VIT: variants seen among roughly 807,000 people sequenced by gnomAD.
VIT encodes vitrin.
VIT carries 99 observed loss-of-function variants against 78.0 expected under a neutral mutation model. That is an observed-to-expected ratio of 1.27 (90% CI 1.08 to 1.50). The LOEUF (loss-of-function observed/expected upper bound fraction) is 1.50. VIT is among the 40% of genes most tolerant of loss of function. VIT has a pLI of 0.00. For missense variants in VIT, 1,126 were observed against 875.3 expected, an observed-to-expected ratio of 1.29 and a Z score of -3.61; for synonymous variants, 374 against 334.3, an observed-to-expected ratio of 1.12 and a Z score of -1.29.
chr2:36,787,383 G>A, intron 12 of VIT, 107 bp downstream of exon 12: 1 of 1,408,164 alleles, frequency 7.1e-7, no homozygotes, highest in Non-Finnish European at 9.5e-7. Context: ...ATGTCCTTGA[G>A]CACAGATTTG....
chr2:36,699,755 C>G (rs1664929373), intron 1 of VIT, among the ~76,000 whole-genome samples: 1 of 152,136 alleles, frequency 6.6e-6, no homozygotes, highest in African/African-American at 2.4e-5. Flanking sequence ...ATTTCTGTGA[C>G]TGTCAATATA....
intron 7 of VIT, among the ~76,000 whole-genome samples, 195 bp from the exon 8 acceptor site, chr2:36,773,596 T>A (rs999318904): frequency 2.6e-5 from 4 of 152,112 alleles, no homozygotes; most frequent in Non-Finnish European, 5.9e-5. Flanking sequence ...TTGAGCCTAG[T>A]GGTACGCACC....
chr2:36,770,466 G>A (rs991114697), intron 7 of VIT, among the ~76,000 whole-genome samples: 1 of 152,150 alleles, frequency 6.6e-6, no homozygotes, highest in African/African-American at 2.4e-5. Flanking sequence ...AGGTGGGGCT[G>A]GACACCAAAG....
At chr2:36,797,099 A>ATTT (rs34401995) in intron 12 of VIT, among the ~76,000 whole-genome samples, 1 of 142,498 alleles carries the variant, frequency 7.0e-6, no homozygotes, top group African/African-American at 2.6e-5. Flanking sequence ...GTTTCAACCA[A>ATTT]TTTTTTTTTT....
intron 2 of VIT, among the ~76,000 whole-genome samples, chr2:36,725,952 T>C (rs1210706442): frequency 6.6e-6 from 1 of 151,718 alleles, no homozygotes; most frequent in East Asian, 1.9e-4. Flanking sequence ...CCACCTATAA[T>C]CCCAGCTATT....
chr2:36,777,784 T>G (rs185642690), intron 9 of VIT, among the ~76,000 whole-genome samples: 6 of 152,348 alleles, frequency 3.9e-5, no homozygotes, highest in African/African-American at 1.4e-4. Context: ...CGTTCTGTCA[T>G]TGAATGTGTT....
chr2:36,780,091 A>T (rs1482022565), intron 9 of VIT, among the ~76,000 whole-genome samples: 1 of 152,218 alleles, frequency 6.6e-6, no homozygotes, highest in Non-Finnish European at 1.5e-5. Flanking sequence ...GAGTCCAAAA[A>T]ACACCAAGTC....
intron 15 of VIT, among the ~76,000 whole-genome samples, chr2:36,812,244 C>T (rs766847229): frequency 2.6e-5 from 4 of 152,040 alleles, no homozygotes; most frequent in South Asian, 4.2e-4. Context: ...GTCAGAGCCA[C>T]GTGAGGTATG....
At chr2:36,789,039 A>G (rs935675047) in intron 12 of VIT, among the ~76,000 whole-genome samples, 1 of 152,186 alleles carries the variant, frequency 6.6e-6, no homozygotes, top group African/African-American at 2.4e-5. Flanking sequence ...CTATCTAAAA[A>G]ATCCCTTGTG....
intron 2 of VIT, among the ~76,000 whole-genome samples, chr2:36,722,651 T>C (rs1453194734): frequency 6.6e-6 from 1 of 152,248 alleles, no homozygotes; most frequent in Non-Finnish European, 1.5e-5. Flanking sequence ...TCCAAAAAGA[T>C]CTAACAGGAA....
intron 2 of VIT, among the ~76,000 whole-genome samples, chr2:36,727,514 C>T (rs541634519): frequency 6.6e-6 from 1 of 152,208 alleles, no homozygotes; most frequent in Non-Finnish European, 1.5e-5. Context: ...ACCCACATTC[C>T]TTCCTCTGGA....
intron 6 of VIT, among the ~76,000 whole-genome samples, chr2:36,762,525 T>C (rs1669187496): frequency 6.6e-6 from 1 of 152,186 alleles, no homozygotes; most frequent in Non-Finnish European, 1.5e-5. Flanking sequence ...CTGTAAAGTC[T>C]TAGTCCCCAA....
intron 6 of VIT, chr2:36,759,622 T>C (rs1176254064): frequency 1.0e-6 from 1 of 1,000,998 alleles, no homozygotes; most frequent in African/African-American, 1.7e-5. Context: ...TGCATTATTG[T>C]ATCTCCAGAG....
At chr2:36,730,576 C>T (rs1176441275) in intron 3 of VIT, among the ~76,000 whole-genome samples, 1 of 152,214 alleles carries the variant, frequency 6.6e-6, no homozygotes, top group African/African-American at 2.4e-5. Context: ...TTTTGCAAGC[C>T]AGGGAACCCC....
intron 2 of VIT, among the ~76,000 whole-genome samples, 185 bp downstream of exon 2, chr2:36,716,607 A>T (rs893572961): frequency 1.3e-5 from 2 of 152,222 alleles, no homozygotes; most frequent in African/African-American, 4.8e-5. Context: ...TTCAGGATGC[A>T]TGTGTATGTG....
intron 1 of VIT, among the ~76,000 whole-genome samples, chr2:36,715,545 A>G (rs998859149): frequency 3.9e-4 from 59 of 152,032 alleles, no homozygotes; most frequent in Non-Finnish European, 7.7e-4. Flanking sequence ...AAAAAAAAAA[A>G]TAAAAAAAAA....
At chr2:36,785,183 C>A (rs151123699) in intron 11 of VIT, among the ~76,000 whole-genome samples, 104 of 152,308 alleles carry the variant, frequency 6.8e-4, no homozygotes, top group Non-Finnish European at 1.3e-3. Flanking sequence ...GTATATTGAA[C>A]TAATCTGCTG....
At chr2:36,767,960 G>A (rs904769743) in intron 7 of VIT, among the ~76,000 whole-genome samples, 5 of 152,314 alleles carry the variant, frequency 3.3e-5, no homozygotes, top group African/African-American at 9.6e-5. Context: ...TCTTAGCAAT[G>A]TTTTCTGAAT....
chr2:36,718,461 A>G (rs1444714712), intron 2 of VIT, among the ~76,000 whole-genome samples: 15 of 152,142 alleles, frequency 9.9e-5, no homozygotes. Flanking sequence ...CCTGCAAATT[A>G]TATGTTTGAG....
Sources: gnomAD v4.1 joint callset for allele counts (sites outside exome capture counted in the v4.1 genomes callset) on GRCh38, gnomAD v4.1.1 for gene constraint, MANE v1.5 for transcripts, NCBI Gene and HGNC (gene_info 2026-07-23, HGNC 2026-07-21) for gene names.